COL4A2: variants seen among roughly 807,000 people sequenced by gnomAD.
COL4A2 encodes collagen alpha-2(IV) chain.
A neutral mutation model predicts 200.2 loss-of-function variants in COL4A2; 99 were observed. The ratio of observed to expected loss-of-function variants is 0.49; its 90% CI spans 0.42 to 0.58. The LOEUF is 0.58. Ranked by LOEUF, COL4A2 falls within the 20% of genes least tolerant of loss-of-function variation. The pLI, the probability that COL4A2 is intolerant of heterozygous loss-of-function variation, is 0.00. For synonymous variants in COL4A2, 897 were observed against 900.6 expected (o/e 1.00, Z 0.07); for missense variants, 1,950 against 2,314.1 (o/e 0.84, Z 3.23).
At chr13:110,308,189 G>T in intron 3 of COL4A2, 66 bp downstream of exon 3, 1 of 1,571,134 alleles carries the variant, frequency 6.4e-7, no homozygotes. Context: ...GAGTGGCCTT[G>T]GAGAAGGCAG....
rs143218312 is a variant in COL4A2 at position 110,310,620 on chromosome 13, A to G, written c.99+2497A>G. 1.1e-4 allele frequency among the ~76,000 whole-genome samples: 16 copies of G among 152,296 alleles called. 1 individual carries two copies. The East Asian group carries it at 2.5e-3, about 24-fold the overall frequency. ...TTTAATGGCTGTTCCTTGTGAAATAATGTTTCAATTTTCAACTGTATTGAT... is the reference window on the plus strand; with the variant it reads ...TTTAATGGCTGTTCCTTGTGAAATAGTGTTTCAATTTTCAACTGTATTGAT... On this transcript the variant is annotated intron_variant, in intron 3 of 47. Coordinates refer to ENST00000360467, the MANE Select transcript of COL4A2 (RefSeq NM_001846.4).
In COL4A2 at chr13:110,418,700, G is replaced by T. The variant is rs566197270; in HGVS notation, c.181-6034G>T. Among the ~76,000 whole-genome samples, 9 of 152,262 alleles carry T rather than the reference G, an allele frequency of 5.9e-5. No homozygotes were observed. The East Asian group carries it at 1.4e-3, about 23-fold the overall frequency. On this transcript the variant is annotated intron_variant, in intron 4 of 47. Transcript: ENST00000360467. ...TTAATAAAGAATAGTACCCAGGGGT[G>T]GGACAAATGTTTTATATACTAAATA...
At chr13:110,331,113 A>G (rs531895178) in intron 3 of COL4A2, among the ~76,000 whole-genome samples, 4 of 152,154 alleles carry the variant, frequency 2.6e-5, no homozygotes, top group African/African-American at 9.7e-5. Flanking sequence ...GAAAGATCAC[A>G]ATGGTCTTAC....
chr13:110,494,905 C>T (rs1054206983), intron 39 of COL4A2, among the ~76,000 whole-genome samples: 1 of 152,224 alleles, frequency 6.6e-6, no homozygotes, highest in Non-Finnish European at 1.5e-5. Context: ...GGGCGAGTGG[C>T]GGGAAATCCT....
intron 6 of COL4A2, among the ~76,000 whole-genome samples, chr13:110,426,158 G>C (rs1341901067): frequency 6.6e-6 from 1 of 152,226 alleles, no homozygotes; most frequent in East Asian, 1.9e-4. Flanking sequence ...CTAATGGCCT[G>C]AATCTAAATC....
chr13:110,485,193 C>A (rs1418567017), intron 33 of COL4A2, among the ~76,000 whole-genome samples, 166 bp downstream of exon 33: 1 of 152,178 alleles, frequency 6.6e-6, no homozygotes, highest in South Asian at 2.1e-4. Flanking sequence ...CAGGGTTGTT[C>A]TCTGATGCCT....
Position 110,511,944 on chromosome 13 carries a change from C to G in COL4A2, c.4892C>G (p.Ala1631Gly). 6.2e-7 allele frequency: 1 copy of G among 1,613,548 alleles called. No homozygotes were observed. The highest frequency in any genetic ancestry group is 1.1e-5 in the South Asian group (1 of 91,086). The stretch of plus-strand genomic sequence containing the variant: ...CCCCTCTCTGTGCAGCACACGGCGG[C>G]GGGAGACGAAGGCGGTGGCCAATCA... ...IGYSFLMHTA[A>G]GDEGGGQSLV... is the part of the protein sequence containing the mutation. Residue 1631 changes from alanine (A) to glycine (G), a missense_variant, in exon 48 of 48, where the codon GCG becomes GGG. By Grantham distance (60) the Ala-to-Gly change is moderately conservative (BLOSUM62 0). This residue lies in a region of COL4A2 where 1,385 missense variants were observed against 1,720.5 expected (regional missense o/e 0.80). Coordinates refer to ENST00000360467, the MANE Select transcript of COL4A2 (RefSeq NM_001846.4).
intron 21 of COL4A2, chr13:110,458,009 C>T (rs1594082804): frequency 7.1e-6 from 3 of 420,564 alleles, no homozygotes; most frequent in Non-Finnish European, 1.5e-5. Flanking sequence ...CTGTGAGGCT[C>T]TGTGGGCCCT....
At chr13:110,460,468 A>C (rs1012011513) in intron 22 of COL4A2, among the ~76,000 whole-genome samples, 18 of 152,214 alleles carry the variant, frequency 1.2e-4, no homozygotes, top group Non-Finnish European at 1.5e-5. Flanking sequence ...AACTGCACAT[A>C]TACCAATGGC....
In COL4A2 at chr13:110,508,085, A is replaced by G; in HGVS notation, c.4745A>G (p.Glu1582Gly). Residue 1582 changes from glutamate (E) to glycine (G), a missense_variant, in exon 47 of 48, where the codon GAG becomes GGG. Physicochemically the swap from Glu to Gly is moderately conservative, Grantham distance 98 (BLOSUM62 -2). Around this residue, in one of 2 missense-constraint regions of COL4A2, gnomAD observed 1,385 missense variants for 1,720.5 expected, o/e 0.80. Coordinates refer to ENST00000360467, the MANE Select transcript of COL4A2 (RefSeq NM_001846.4). The surrounding 1 kb of genome is among the most constrained non-coding windows in gnomAD (Gnocchi z 6.1). ...CCCATGATGCCCGTGGCCGAGGACG[A>G]GATCAAGCCCTACATCAGCCGCTGT... ...PLPMMPVAED[E>G]IKPYISRCSV... 1 of 1,614,250 alleles carries G rather than the reference A, an allele frequency of 6.2e-7. No individual in the cohort carries two copies. Among genetic ancestry groups the G allele is most frequent in the South Asian group, 1.1e-5 (1 of 91,086 alleles).
At chr13:110,378,824 C>T (rs1228756795) in intron 4 of COL4A2, among the ~76,000 whole-genome samples, 2 of 152,110 alleles carry the variant, frequency 1.3e-5, no homozygotes, top group East Asian at 1.9e-4. Flanking sequence ...ACAAGGAATT[C>T]GGTCCCGCGG....
intron 11 of COL4A2, 105 bp downstream of exon 11, chr13:110,432,465 T>C (rs1429943319): frequency 8.9e-6 from 12 of 1,350,286 alleles, no homozygotes; most frequent in Non-Finnish European, 9.8e-6. Flanking sequence ...CTATTTATTG[T>C]TTATATTATG....
intron 47 of COL4A2, among the ~76,000 whole-genome samples, chr13:110,509,245 T>TTATATATATA (rs374846915): frequency 0.099 from 6,916 of 69,976 alleles, 367 homozygotes; most frequent in Non-Finnish European, 0.14. Context: ...ATTTCATAAA[T>TTATATATATA]TATATATATA....
At chr13:110,484,427 C>T (rs529274440) in intron 32 of COL4A2, among the ~76,000 whole-genome samples, 5 of 152,214 alleles carry the variant, frequency 3.3e-5, no homozygotes, top group Admixed American at 1.3e-4. Flanking sequence ...TCCCCTCCTG[C>T]AATTTCTCAG....
chr13:110,512,214 C>A lies in COL4A2; in HGVS notation c.*23C>A. 6.3e-7 allele frequency: 1 copy of A among 1,599,428 alleles called. No homozygotes were observed. Among genetic ancestry groups the A allele is most frequent in the South Asian group, 1.1e-5 (1 of 90,126 alleles). ...TGAGCCGGCGCGTGCCAGGAAGGGC[C>A]ATTTTGGTGCTTATTCTTAACTTAT... On this transcript the variant is annotated 3_prime_UTR_variant, in exon 48 of 48. Transcript: ENST00000360467.
chr13:110,513,188 T>G lies in COL4A2; in HGVS notation c.*997T>G, dbSNP rs1015039865. Reference sequence around the variant, plus strand: ...GCCATTTCTCGGGGAATGTGTTTGTTTATAACTCACTAATGCTTACAGAAA... The same window carrying G: ...GCCATTTCTCGGGGAATGTGTTTGTGTATAACTCACTAATGCTTACAGAAA... On this transcript the variant is annotated 3_prime_UTR_variant, in exon 48 of 48. Coordinates refer to ENST00000360467, the MANE Select transcript of COL4A2 (RefSeq NM_001846.4). Among the ~76,000 whole-genome samples the G allele has an allele frequency of 2.0e-5, 3 of 151,454 alleles. No individual in the cohort carries two copies. Among genetic ancestry groups the G allele is most frequent in the Non-Finnish European group, 4.4e-5 (3 of 68,008 alleles).
chr13:110,489,672 G>A (rs1411781691), intron 35 of COL4A2, 39 bp from the exon 36 acceptor site: 1 of 1,613,010 alleles, frequency 6.2e-7, no homozygotes, highest in Admixed American at 1.7e-5. Context: ...AGTCCCAGTG[G>A]AAAGTCCTGT....
chr13:110,492,489 A>G (rs1390306904), intron 38 of COL4A2, among the ~76,000 whole-genome samples: 2 of 152,228 alleles, frequency 1.3e-5, no homozygotes, highest in Non-Finnish European at 2.9e-5. Context: ...CAGCAAGATC[A>G]GGGTGCAGGA....
At chr13:110,344,843 T>C (rs1008632641) in intron 3 of COL4A2, among the ~76,000 whole-genome samples, 4 of 152,224 alleles carry the variant, frequency 2.6e-5, no homozygotes, top group Admixed American at 2.6e-4. Context: ...TTTTATTTAC[T>C]GCAATATTTC....
Sources: gnomAD v4.1 joint callset for allele counts (sites outside exome capture counted in the v4.1 genomes callset) on GRCh38, gnomAD v4.1.1 for gene constraint, gnomAD v4.1.1 regional missense constraint, Gnocchi (gnomAD v3.1) non-coding constraint, MANE v1.5 for transcripts, NCBI Gene and HGNC (gene_info 2026-07-23, HGNC 2026-07-21) for gene names.